HS3ST5: variants seen among roughly 807,000 people sequenced by gnomAD.
HS3ST5 encodes heparan sulfate-glucosamine 3-sulfotransferase 5.
Under a neutral mutation model 25.4 loss-of-function variants are expected in HS3ST5, and 10 were observed. That is an observed-to-expected ratio of 0.39 (90% CI 0.24 to 0.67). HS3ST5 has a LOEUF of 0.67. HS3ST5 is among the 30% of genes least tolerant of loss of function. HS3ST5 has a pLI of 0.44. For synonymous variants in HS3ST5, 170 were observed against 162.4 expected (o/e 1.05, Z -0.36); for missense variants, 324 against 420.7 (o/e 0.77, Z 2.01).
chr6:114,270,165 A>G (rs1773578307), intron 1 of HS3ST5, among the ~76,000 whole-genome samples: 1 of 152,212 alleles, frequency 6.6e-6, no homozygotes, highest in South Asian at 2.1e-4. Flanking sequence ...GAATTAGTAA[A>G]TGAGAAAAAA....
chr6:114,303,445 T>C (rs558998177), intron 1 of HS3ST5, among the ~76,000 whole-genome samples: 1 of 139,638 alleles, frequency 7.2e-6, no homozygotes, highest in African/African-American at 2.8e-5. Flanking sequence ...AAGCAAAATA[T>C]ATCATACTGT....
chr6:114,213,032 C>T (rs546980860), intron 2 of HS3ST5, among the ~76,000 whole-genome samples: 1 of 152,078 alleles, frequency 6.6e-6, no homozygotes, highest in South Asian at 2.1e-4. Context: ...TCAGGTCACA[C>T]GAATGAATTG....
chr6:114,195,103 C>T (rs894364089), intron 2 of HS3ST5, among the ~76,000 whole-genome samples: 5 of 152,150 alleles, frequency 3.3e-5, no homozygotes, highest in Non-Finnish European at 7.3e-5. Flanking sequence ...CCACTTTACC[C>T]GAGAGTTTCA....
At chr6:114,114,796 A>T (rs1002998491) in intron 3 of HS3ST5, among the ~76,000 whole-genome samples, 24 of 152,108 alleles carry the variant, frequency 1.6e-4, no homozygotes, top group African/African-American at 4.8e-4. Context: ...GTTACTTTTT[A>T]AAAAAATCGT....
intron 3 of HS3ST5, among the ~76,000 whole-genome samples, chr6:114,073,491 C>T (rs145228390): frequency 0.012 from 1,854 of 152,278 alleles, 37 homozygotes; most frequent in African/African-American, 0.042. Flanking sequence ...TAAGAACAGA[C>T]ACTTCTCAAA....
At chr6:114,212,464 C>G (rs1430455204) in intron 2 of HS3ST5, among the ~76,000 whole-genome samples, 1 of 152,128 alleles carries the variant, frequency 6.6e-6, no homozygotes, top group Admixed American at 6.5e-5. Flanking sequence ...CATTCATATT[C>G]TATAGATCCT....
chr6:114,114,568 T>G (rs1035718157), intron 3 of HS3ST5, among the ~76,000 whole-genome samples: 3 of 152,104 alleles, frequency 2.0e-5, no homozygotes, highest in African/African-American at 7.2e-5. Flanking sequence ...GTCACACATT[T>G]TTCCTACTTA....
intron 3 of HS3ST5, among the ~76,000 whole-genome samples, chr6:114,104,558 G>A (rs1775898543): frequency 6.6e-6 from 1 of 152,188 alleles, no homozygotes. Flanking sequence ...CGTGGACAGA[G>A]CTGATTTTAT....
chr6:114,118,040 T>C (rs138394707), intron 3 of HS3ST5, among the ~76,000 whole-genome samples: 1 of 152,296 alleles, frequency 6.6e-6, no homozygotes, highest in African/African-American at 2.4e-5. Context: ...AGCAATTAAG[T>C]GATTTGCCTC....
intron 3 of HS3ST5, among the ~76,000 whole-genome samples, chr6:114,091,474 G>A (rs1036091805): frequency 1.6e-4 from 25 of 151,884 alleles, no homozygotes; most frequent in African/African-American, 6.0e-4. Flanking sequence ...TCAGGAGAGC[G>A]AGACCATCCT....
intron 1 of HS3ST5, among the ~76,000 whole-genome samples, chr6:114,293,299 T>C (rs148247794): frequency 6.4e-4 from 98 of 152,312 alleles, no homozygotes; most frequent in African/African-American, 2.3e-3. Context: ...TCTATGACTA[T>C]AACTTTAGAG....
At chr6:114,328,136 T>A (rs1400710533) in intron 1 of HS3ST5, among the ~76,000 whole-genome samples, 1 of 151,928 alleles carries the variant, frequency 6.6e-6, no homozygotes, top group Non-Finnish European at 1.5e-5. Flanking sequence ...CTAAATTTGA[T>A]CACATATACT....
chr6:114,227,280 C>T (rs765748372), intron 2 of HS3ST5, among the ~76,000 whole-genome samples: 9 of 117,174 alleles, frequency 7.7e-5, no homozygotes, highest in Non-Finnish European at 1.2e-4. Flanking sequence ...CCTTTTGATA[C>T]GTTATGGATA....
rs562195175 is a variant in HS3ST5, at chr6:114,161,894, A to G, written c.-33+6457T>C. 1.9e-4 allele frequency among the ~76,000 whole-genome samples: 29 copies of G among 152,114 alleles called. No homozygotes were observed. The South Asian group carries it at 5.8e-3, about 30-fold the overall frequency. Reference sequence around the variant, plus strand: ...CACAAAAACCCCCAAGTTACTGGAAAATCATATTAACATATTTGTGAAAAT... The same window carrying G: ...CACAAAAACCCCCAAGTTACTGGAAGATCATATTAACATATTTGTGAAAAT... On this transcript the variant is annotated intron_variant, in intron 3 of 4. Transcript: ENST00000312719.
intron 2 of HS3ST5, among the ~76,000 whole-genome samples, chr6:114,202,169 CTAG>C (rs1781050073): frequency 6.6e-6 from 1 of 152,036 alleles, no homozygotes; most frequent in East Asian, 1.9e-4. Flanking sequence ...ACCTGTAATC[CTAG>C]CACTTTGAGA....
At chr6:114,215,554 GGAA>G (rs989419197) in intron 2 of HS3ST5, among the ~76,000 whole-genome samples, 27 of 151,924 alleles carry the variant, frequency 1.8e-4, no homozygotes, top group African/African-American at 6.5e-4. Context: ...CCCTCCCCCA[GGAA>G]GCCAGGAGAA....
intron 2 of HS3ST5, among the ~76,000 whole-genome samples, chr6:114,191,306 T>C (rs984467918): frequency 6.6e-6 from 1 of 152,202 alleles, no homozygotes; most frequent in Non-Finnish European, 1.5e-5. Flanking sequence ...AAATGTATAA[T>C]TATTGTCACT....
chr6:114,122,095 G>C (rs1776818445), intron 3 of HS3ST5, among the ~76,000 whole-genome samples: 1 of 152,134 alleles, frequency 6.6e-6, no homozygotes, highest in African/African-American at 2.4e-5. Flanking sequence ...AACCTGTCTT[G>C]CATAATACTT....
chr6:114,199,743 G>T (rs544679388), intron 2 of HS3ST5, among the ~76,000 whole-genome samples: 1 of 152,216 alleles, frequency 6.6e-6, no homozygotes, highest in East Asian at 1.9e-4. Flanking sequence ...TTGAGAGCTA[G>T]ATAGGCCTTT....
Sources: allele counts gnomAD v4.1 joint callset (sites outside exome capture counted in the v4.1 genomes callset), GRCh38; gene constraint gnomAD v4.1.1; transcripts MANE v1.5; gene names NCBI Gene and HGNC (gene_info 2026-07-23, HGNC 2026-07-21).